Variants in RTTN observed in about 807,000 individuals in gnomAD.
RTTN encodes rotatin.
Under a neutral mutation model 269.2 loss-of-function variants are expected in RTTN, and 182 were observed. The observed-to-expected ratio is 0.68, with a 90% confidence interval of 0.60 to 0.76. RTTN has a LOEUF of 0.76. Ranked by LOEUF, RTTN falls within the 30% of genes least tolerant of loss-of-function variation. The pLI, the probability that RTTN is intolerant of heterozygous loss-of-function variation, is 0.00. For synonymous variants in RTTN, 1,006 were observed against 963.5 expected (o/e 1.04, Z -0.82); for missense variants, 2,545 against 2,608.6 (o/e 0.98, Z 0.53).
chr18:70,073,720 A>G (rs968695578), intron 34 of RTTN, among the ~76,000 whole-genome samples, 186 bp downstream of exon 34: 6 of 152,174 alleles, frequency 3.9e-5, no homozygotes, highest in African/African-American at 1.4e-4. Flanking sequence ...AAAGCAAGAT[A>G]AGTATCTATA....
In RTTN at chr18:70,150,638, A is replaced by G. The variant is rs762833973; in HGVS notation, c.2025T>C (p.Ser675=). The change falls in exon 15 of 49, where the codon TCT becomes TCC. Residue 675 remains serine, a synonymous_variant. Coordinates refer to ENST00000640769, the MANE Select transcript of RTTN (RefSeq NM_173630.4). The part of the protein sequence containing the change: ...LLHPKVLYEI[S]VFGIQEPESE... Reference sequence around the variant, plus strand: ...TTTCGGGCTCTTGAATGCCAAATACAGAGATTTCATACAGAACTTTTGGAT... The same window carrying G: ...TTTCGGGCTCTTGAATGCCAAATACGGAGATTTCATACAGAACTTTTGGAT... 31 of 1,612,522 alleles carry G rather than the reference A, an allele frequency of 1.9e-5. No individual in the cohort carries two copies. The East Asian group carries it at 6.5e-4, about 34-fold the overall frequency.
At chr18:70,197,998 G>T (rs76242978) in intron 5 of RTTN, among the ~76,000 whole-genome samples, 515 of 152,248 alleles carry the variant, frequency 3.4e-3, no homozygotes, top group Non-Finnish European at 5.8e-3. Flanking sequence ...GAGCAGGAAC[G>T]ACATCATACT....
At chr18:70,129,445 T>A (rs896552363) in intron 23 of RTTN, 1 of 151,016 alleles carries the variant, frequency 6.6e-6, no homozygotes, top group African/African-American at 2.4e-5. Context: ...CACAGACCAA[T>A]AAAACAGAAT....
At position 70,173,743 on chromosome 18, in the gene RTTN, A is replaced by T. The variant is rs192754607; in HGVS notation, c.1476+2932T>A. On this transcript the variant is annotated intron_variant, in intron 11 of 48. Coordinates refer to ENST00000640769, the MANE Select transcript of RTTN (RefSeq NM_173630.4). ...ACCACTAACATTCAAATTCAGAGAT[A>T]ACCTCACGTTTAAAAATACAGTCAG... Among the ~76,000 whole-genome samples the T allele has an allele frequency of 4.4e-4, 67 of 152,342 alleles. 1 individual carries two copies. The East Asian group carries it at 0.013, about 29-fold the overall frequency.
chr18:70,076,529 G>A (rs1394135710), intron 32 of RTTN, among the ~76,000 whole-genome samples: 1 of 151,886 alleles, frequency 6.6e-6, no homozygotes, highest in Non-Finnish European at 1.5e-5. Context: ...CACTAACAAG[G>A]TTATTTCTAT....
intron 10 of RTTN, among the ~76,000 whole-genome samples, chr18:70,187,295 A>C (rs1218729377): frequency 6.6e-6 from 1 of 152,210 alleles, no homozygotes; most frequent in Non-Finnish European, 1.5e-5. Flanking sequence ...GGTGCAAAAC[A>C]GTGTCTATAA....
At chr18:70,064,026 A>C (rs1375720749) in intron 35 of RTTN, among the ~76,000 whole-genome samples, 1 of 146,700 alleles carries the variant, frequency 6.8e-6, no homozygotes, top group Non-Finnish European at 1.5e-5. Context: ...GTAAAATTGC[A>C]TAAATATACA....
At chr18:70,102,100 G>T (rs1443644342) in intron 28 of RTTN, among the ~76,000 whole-genome samples, 1 of 152,130 alleles carries the variant, frequency 6.6e-6, no homozygotes, top group Non-Finnish European at 1.5e-5. Flanking sequence ...GGTCCACTTG[G>T]TGCAGAGCTG....
chr18:70,005,164 G>T, intron 48 of RTTN, 34 bp downstream of exon 48: 5 of 1,513,776 alleles, frequency 3.3e-6, no homozygotes, highest in East Asian at 2.3e-5. Flanking sequence ...TAGCTTCTGA[G>T]TTTAACTATA....
chr18:70,086,725 A>C (rs1484567919), intron 31 of RTTN, 41 bp from the exon 32 acceptor site: 2 of 1,089,394 alleles, frequency 1.8e-6, no homozygotes, highest in South Asian at 3.3e-5. Context: ...AAAAAAAAAA[A>C]AAAAAAAAGG....
chr18:70,187,518 C>T (rs283245), intron 10 of RTTN, among the ~76,000 whole-genome samples: 5,306 of 151,342 alleles, frequency 0.035, 198 homozygotes, highest in African/African-American at 0.1. Context: ...TGAAAACAAA[C>T]AAAAAAAAAT....
intron 46 of RTTN, among the ~76,000 whole-genome samples, chr18:70,009,252 C>T (rs2056294014): frequency 6.6e-6 from 1 of 152,044 alleles, no homozygotes; most frequent in African/African-American, 2.4e-5. Context: ...TCTTCTGTCT[C>T]GGCCTCCTGA....
chr18:70,085,688 G>GTC (rs2058682262), intron 32 of RTTN, among the ~76,000 whole-genome samples: 1 of 152,120 alleles, frequency 6.6e-6, no homozygotes, highest in Non-Finnish European at 1.5e-5. Context: ...CATGGATGGA[G>GTC]GTGGAGGCCA....
chr18:70,202,737 G>C (rs148513880), intron 3 of RTTN, among the ~76,000 whole-genome samples: 2 of 152,332 alleles, frequency 1.3e-5, no homozygotes, highest in Non-Finnish European at 2.9e-5. Context: ...TGTGGGGCAA[G>C]TTACTTTATA....
At chr18:70,048,749 G>T (rs967535321) in intron 39 of RTTN, among the ~76,000 whole-genome samples, 10 of 152,016 alleles carry the variant, frequency 6.6e-5, no homozygotes, top group African/African-American at 2.4e-4. Context: ...TCATTTAAAT[G>T]ATGTCCAAAT....
intron 11 of RTTN, among the ~76,000 whole-genome samples, chr18:70,176,247 A>G (rs1337306608): frequency 1.3e-5 from 2 of 148,398 alleles, no homozygotes; most frequent in African/African-American, 5.2e-5. Flanking sequence ...ATGTATATGT[A>G]TATGTATATG....
intron 36 of RTTN, among the ~76,000 whole-genome samples, chr18:70,058,541 T>C (rs1338820176): frequency 6.6e-6 from 1 of 151,950 alleles, no homozygotes; most frequent in Admixed American, 6.6e-5. Context: ...AATAAAAAAA[T>C]AAAAATAAAG....
intron 11 of RTTN, 29 bp downstream of exon 11, chr18:70,176,646 G>A: frequency 6.3e-7 from 1 of 1,598,818 alleles, no homozygotes; most frequent in Non-Finnish European, 8.5e-7. Flanking sequence ...AGTCTGTAAA[G>A]TACAAATGAG....
At chr18:70,151,900 C>T (rs939460392) in intron 14 of RTTN, among the ~76,000 whole-genome samples, 72 of 152,266 alleles carry the variant, frequency 4.7e-4, no homozygotes, top group African/African-American at 1.7e-3. Flanking sequence ...TCCTTCCCAC[C>T]ACGAGTCCTC....
Sources: allele counts gnomAD v4.1 joint callset (sites outside exome capture counted in the v4.1 genomes callset), GRCh38; gene constraint gnomAD v4.1.1; transcripts MANE v1.5; gene names NCBI Gene and HGNC (gene_info 2026-07-23, HGNC 2026-07-21).